CACNA1D: variants seen among roughly 807,000 people sequenced by gnomAD.
CACNA1D encodes the protein calcium voltage-gated channel subunit alpha1 D.
In CACNA1D, 55 loss-of-function variants were observed where a neutral mutation model predicts 257.1. The observed-to-expected ratio is 0.21, with a 90% CI of 0.17 to 0.27. CACNA1D has a LOEUF of 0.27. CACNA1D is among the 10% of genes least tolerant of loss of function. The pLI is 1.00. For synonymous variants in CACNA1D, 980 were observed against 1,014.9 expected, an observed-to-expected ratio of 0.97 and a Z score of 0.65; for missense variants, 1,876 against 2,784.0, an observed-to-expected ratio of 0.67 and a Z score of 7.34.
chr3:53,680,472 C>G (rs1475263710), intron 8 of CACNA1D, among the ~76,000 whole-genome samples: 1 of 152,062 alleles, frequency 6.6e-6, no homozygotes, highest in Non-Finnish European at 1.5e-5. Context: ...CTTCTCTGTC[C>G]GCAGTTCCCC....
chr3:53,657,399 C>G (rs2094158829), intron 4 of CACNA1D, among the ~76,000 whole-genome samples: 1 of 151,766 alleles, frequency 6.6e-6, no homozygotes, highest in East Asian at 1.9e-4. Context: ...AAGCTCTGTA[C>G]AAGGCTGTGC....
At chr3:53,716,293 T>G (rs2094817392) in intron 9 of CACNA1D, among the ~76,000 whole-genome samples, 1 of 152,366 alleles carries the variant, frequency 6.6e-6, no homozygotes, top group South Asian at 2.1e-4. Flanking sequence ...ACCAGGCCTG[T>G]GGGTTCCCCA....
intron 3 of CACNA1D, among the ~76,000 whole-genome samples, chr3:53,649,492 C>A (rs1448761564): frequency 2.0e-5 from 3 of 152,042 alleles, no homozygotes; most frequent in Admixed American, 2.0e-4. Context: ...TTGAGAAATT[C>A]TCTGTGTGTA....
chr3:53,664,226 C>T (rs2094236870), intron 5 of CACNA1D, among the ~76,000 whole-genome samples: 1 of 152,144 alleles, frequency 6.6e-6, no homozygotes, highest in Admixed American at 6.5e-5. Context: ...TGGAGAACCT[C>T]CCTTTGGAAT....
chr3:53,574,759 TAC>T (rs145515792), intron 3 of CACNA1D, among the ~76,000 whole-genome samples: 1 of 151,606 alleles, frequency 6.6e-6, no homozygotes, highest in Non-Finnish European at 1.5e-5. Flanking sequence ...ATGCACTAAT[TAC>T]ACACACACAC....
intron 33 of CACNA1D, chr3:53,773,263 A>T: frequency 4.3e-5 from 10 of 232,702 alleles, no homozygotes; most frequent in South Asian, 6.0e-5. Context: ...CCGTCGCGGG[A>T]ACAGAAGGCT....
intron 40 of CACNA1D, among the ~76,000 whole-genome samples, chr3:53,787,287 A>G (rs539676871): frequency 6.6e-6 from 1 of 152,292 alleles, no homozygotes; most frequent in South Asian, 2.1e-4. Context: ...CCTGGGCTCC[A>G]GGGTTCTGGC....
rs183876544 is a variant in CACNA1D, at chr3:53,756,154, A to G, written c.3786+2472A>G. Among the ~76,000 whole-genome samples, 14 of 152,334 alleles carry G rather than the reference A, an allele frequency of 9.2e-5. No individual in the cohort carries two copies. The East Asian group carries it at 2.5e-3, about 27-fold the overall frequency. ...CTTCATAAAATAAGTATAGAAAGTG[A>G]GGTAAGACAAAATTCTTACTGGTAG... On this transcript the variant is annotated intron_variant, in intron 29 of 47. Transcript: ENST00000350061.
chr3:53,722,557 C>A, intron 12 of CACNA1D, 83 bp downstream of exon 12: 1 of 1,349,014 alleles, frequency 7.4e-7, no homozygotes, highest in Non-Finnish European at 1.1e-6. Context: ...TATCTGATCG[C>A]TGCATGATGA....
At chr3:53,518,086 G>T (rs912807276) in intron 3 of CACNA1D, among the ~76,000 whole-genome samples, 11 of 152,220 alleles carry the variant, frequency 7.2e-5, no homozygotes, top group African/African-American at 1.2e-4. Flanking sequence ...CTGGAGTTCT[G>T]ATATGTGGGT....
At position 53,786,915 on chromosome 3, in the gene CACNA1D, G is replaced by C; in HGVS notation, c.4886G>C (p.Gly1629Ala). The C allele has an allele frequency of 6.2e-7, 1 of 1,614,114 alleles. No homozygotes were observed. The highest frequency in any genetic ancestry group is 1.1e-5 in the South Asian group (1 of 91,084). Residue 1629 changes from glycine to alanine, a missense_variant, in exon 40 of 48, where the codon GGA becomes GCA. This residue lies in a region of CACNA1D where 160 missense variants were observed against 236.6 expected (regional missense o/e 0.68). Coordinates refer to ENST00000350061, the MANE Select transcript of CACNA1D (RefSeq NM_001128840.3). ...FKKRKEQGLV[G>A]KYPAKNTTIA... ...AAACGGAAAGAACAAGGACTGGTGG[G>C]AAAGTACCCTGCGAAGAACACCACA...
chr3:53,504,413 T>A (rs2090737644), intron 3 of CACNA1D, among the ~76,000 whole-genome samples: 1 of 152,226 alleles, frequency 6.6e-6, no homozygotes, highest in Non-Finnish European at 1.5e-5. Flanking sequence ...AATGTGTCTT[T>A]GTTCTAGATA....
At chr3:53,561,403 A>G (rs1460822412) in intron 3 of CACNA1D, among the ~76,000 whole-genome samples, 1 of 152,168 alleles carries the variant, frequency 6.6e-6, no homozygotes, top group East Asian at 1.9e-4. Flanking sequence ...CCTATAAAAT[A>G]GGGGATTGGA....
rs1364322699 is a variant in CACNA1D at position 53,732,840 on chromosome 3, G to C, written c.2499G>C (p.Glu833Asp). 2.5e-6 allele frequency: 4 copies of C among 1,613,034 alleles called. No individual in the cohort carries two copies. In the South Asian group the frequency reaches 4.4e-5, roughly 18 times the overall value. The change falls in exon 19 of 48, where the codon GAG (glutamate) becomes GAC (aspartate). Residue 833 changes from glutamate to aspartate, a missense_variant. By Grantham distance (45) the Glu-to-Asp change is conservative. Transcript: ENST00000350061. The stretch of plus-strand genomic sequence containing the variant: ...TAGGGGAAGAGGAAGAGGAAGAGGA[G>C]GAGGATGAACCTGAGGTTCCTGCCG... The part of the protein sequence containing the change: ...VPVGEEEEEE[E>D]EDEPEVPAGP...
At position 53,634,659 on chromosome 3, in the gene CACNA1D, G is replaced by C. The variant is rs1341742945; in HGVS notation, c.484-16120G>C. Reference sequence around the variant, plus strand: ...TGCGAGAGCTCGTGGAGGCCCTTCTGTGTAACATTCACAACACAACCACCA... The same window carrying C: ...TGCGAGAGCTCGTGGAGGCCCTTCTCTGTAACATTCACAACACAACCACCA... On this transcript the variant is annotated intron_variant, in intron 3 of 47. Coordinates refer to ENST00000350061, the MANE Select transcript of CACNA1D (RefSeq NM_001128840.3). 2.0e-5 allele frequency among the ~76,000 whole-genome samples: 3 copies of C among 152,296 alleles called. No individual in the cohort carries two copies. The East Asian group carries it at 5.8e-4, about 29-fold the overall frequency.
intron 9 of CACNA1D, among the ~76,000 whole-genome samples, chr3:53,708,050 G>A (rs2094710500): frequency 6.6e-6 from 1 of 152,224 alleles, no homozygotes; most frequent in African/African-American, 2.4e-5. Context: ...CGGGGACTCT[G>A]CCACCCTGGG....
At chr3:53,805,291 T>C in intron 45 of CACNA1D, 145 bp downstream of exon 45, 1 of 738,236 alleles carries the variant, frequency 1.4e-6, no homozygotes, top group East Asian at 2.6e-5. Flanking sequence ...CCAGAGAGTG[T>C]GTCTGCTTTC....
At chr3:53,781,837 T>C in intron 39 of CACNA1D, 170 bp downstream of exon 39, 1 of 667,212 alleles carries the variant, frequency 1.5e-6, no homozygotes, top group Non-Finnish European at 2.7e-6. Flanking sequence ...ATTTTGGGGG[T>C]GATATGAAGA....
chr3:53,672,942 A>C, intron 7 of CACNA1D, 81 bp from the exon 8 acceptor site: 2 of 872,892 alleles, frequency 2.3e-6, no homozygotes, highest in Non-Finnish European at 3.7e-6. Context: ...AATGTATAGA[A>C]TGCTGTCTCT....
Sources: allele counts gnomAD v4.1 joint callset (sites outside exome capture counted in the v4.1 genomes callset), GRCh38; gene constraint gnomAD v4.1.1; regional missense constraint gnomAD v4.1.1; transcripts MANE v1.5; gene names NCBI Gene and HGNC (gene_info 2026-07-23, HGNC 2026-07-21).